RPS6KC1: variants seen among roughly 807,000 people sequenced by gnomAD.
RPS6KC1 encodes the protein inactive ribosomal protein S6 kinase delta-1.
RPS6KC1 carries 54 observed loss-of-function variants against 103.8 expected under a neutral mutation model. The ratio of observed to expected loss-of-function variants is 0.52; its 90% CI spans 0.42 to 0.65. The LOEUF (loss-of-function observed/expected upper bound fraction) is 0.65, where lower values mean the gene tolerates loss of function less well. Among genes scored for constraint, RPS6KC1 ranks in the 30% least tolerant of loss-of-function variants. RPS6KC1 has a pLI of 0.00. For synonymous variants in RPS6KC1, 439 were observed against 438.7 expected, an observed-to-expected ratio of 1.00 and a Z score of -0.01; for missense variants, 1,151 against 1,253.8, an observed-to-expected ratio of 0.92 and a Z score of 1.24.
chr1:213,844,516 A>C, the RPS6KC1 span, among the ~76,000 whole-genome samples: 2 of 152,340 alleles, frequency 1.3e-5, no homozygotes, highest in Non-Finnish European at 2.9e-5. Context: ...CCATTAAAAA[A>C]TTAGAATATG....
the RPS6KC1 span, among the ~76,000 whole-genome samples, chr1:213,496,084 G>A: frequency 6.6e-6 from 1 of 151,632 alleles, no homozygotes; most frequent in Non-Finnish European, 1.5e-5. Context: ...TTAGCACACT[G>A]TTGAAAAAAA....
chr1:213,069,026 C>CTT (rs1239587887), intron 1 of RPS6KC1, among the ~76,000 whole-genome samples: 2 of 151,790 alleles, frequency 1.3e-5, no homozygotes, highest in Admixed American at 6.6e-5. Context: ...CCATGGCACT[C>CTT]TAGCCTAGGT....
At chr1:213,118,536 C>T (rs1404766294) in intron 5 of RPS6KC1, among the ~76,000 whole-genome samples, 4 of 152,016 alleles carry the variant, frequency 2.6e-5, no homozygotes. Flanking sequence ...AGGGTATGTA[C>T]TCCTGTCATA....
intron 8 of RPS6KC1, among the ~76,000 whole-genome samples, chr1:213,213,512 A>G (rs146196743): frequency 2.0e-5 from 3 of 152,246 alleles, no homozygotes; most frequent in African/African-American, 4.8e-5. Flanking sequence ...TTTGTTCTTC[A>G]GTATTGTGTT....
chr1:213,330,189 T>C, the RPS6KC1 span, among the ~76,000 whole-genome samples: 1 of 152,228 alleles, frequency 6.6e-6, no homozygotes, highest in Non-Finnish European at 1.5e-5. Flanking sequence ...CCCATCCATC[T>C]GTGATACGGA....
the RPS6KC1 span, among the ~76,000 whole-genome samples, chr1:213,514,433 A>G: frequency 2.3e-5 from 3 of 127,912 alleles, no homozygotes; most frequent in South Asian, 2.4e-4. Context: ...TCCTCTGTCC[A>G]TGTGTTCTCA....
the RPS6KC1 span, among the ~76,000 whole-genome samples, chr1:213,527,216 A>C: frequency 6.6e-6 from 1 of 152,242 alleles, no homozygotes; most frequent in Non-Finnish European, 1.5e-5. Context: ...CACAATGCAG[A>C]GGAGGAGACT....
rs74982146 is a variant in RPS6KC1 at position 213,086,781 on chromosome 1, A to G, written c.262+8965A>G. On this transcript the variant is annotated intron_variant, in intron 3 of 14. Transcript: ENST00000366960. ...TTATCTATATGCATAGGTATAATGC[A>G]CACATTTATACATACCTCTAATCAT... Among the ~76,000 whole-genome samples the G allele has an allele frequency of 9.4e-3, 1,435 of 152,328 alleles. 50 individuals are homozygous for G. The highest frequency in any genetic ancestry group is 0.072 in the East Asian group (372 of 5,188).
the RPS6KC1 span, among the ~76,000 whole-genome samples, chr1:213,456,230 C>G: frequency 1.3e-5 from 2 of 152,178 alleles, no homozygotes; most frequent in Non-Finnish European, 2.9e-5. Flanking sequence ...CTCCTTTGGT[C>G]TGGAGGCCTG....
intron 4 of RPS6KC1, among the ~76,000 whole-genome samples, chr1:213,114,551 C>G (rs1035665366): frequency 6.6e-6 from 1 of 151,834 alleles, no homozygotes. Flanking sequence ...CCTTTATTTC[C>G]TTCTTCTGCC....
chr1:213,691,522 T>A, the RPS6KC1 span, among the ~76,000 whole-genome samples: 6 of 152,204 alleles, frequency 3.9e-5, no homozygotes, highest in African/African-American at 1.4e-4. Context: ...AAACTTCTGC[T>A]GCTATCTCGG....
the RPS6KC1 span, among the ~76,000 whole-genome samples, chr1:213,766,991 C>T: frequency 6.6e-6 from 1 of 152,126 alleles, no homozygotes; most frequent in Non-Finnish European, 1.5e-5. Context: ...CATAGCTCCT[C>T]AGCTATCCAG....
chr1:213,074,187 G>T (rs1475465229), intron 2 of RPS6KC1, among the ~76,000 whole-genome samples: 1 of 152,134 alleles, frequency 6.6e-6, no homozygotes, highest in East Asian at 1.9e-4. Flanking sequence ...AAAGTTTTTG[G>T]TGTTATTAAG....
chr1:213,516,005 T>G, the RPS6KC1 span, among the ~76,000 whole-genome samples: 123 of 152,068 alleles, frequency 8.1e-4, no homozygotes, highest in Non-Finnish European at 1.5e-3. Context: ...GTGAATGGGA[T>G]TTCACTCATG....
chr1:213,118,103 A>G (rs1392271506), intron 5 of RPS6KC1, among the ~76,000 whole-genome samples: 2 of 150,368 alleles, frequency 1.3e-5, no homozygotes, highest in Admixed American at 6.7e-5. Flanking sequence ...GGCTTTAGAG[A>G]TTTAGTCATT....
chr1:213,102,573 C>T (rs186253436), intron 3 of RPS6KC1, among the ~76,000 whole-genome samples: 1 of 152,126 alleles, frequency 6.6e-6, no homozygotes, highest in African/African-American at 2.4e-5. Context: ...AGCAAGCTGG[C>T]AATTACAATT....
intron 2 of RPS6KC1, among the ~76,000 whole-genome samples, chr1:213,076,865 G>C (rs1222608193): frequency 1.3e-5 from 2 of 151,118 alleles, no homozygotes; most frequent in African/African-American, 4.9e-5. Context: ...GTGTTACTCA[G>C]TTTATCCTTT....
At chr1:213,783,227 C>T in the RPS6KC1 span, among the ~76,000 whole-genome samples, 1 of 152,198 alleles carries the variant, frequency 6.6e-6, no homozygotes, top group South Asian at 2.1e-4. Flanking sequence ...TTGCCAAAGG[C>T]CCTTTTCGAT....
At chr1:213,591,021 C>A in the RPS6KC1 span, among the ~76,000 whole-genome samples, 3 of 152,176 alleles carry the variant, frequency 2.0e-5, no homozygotes, top group Non-Finnish European at 1.5e-5. Context: ...CCCTGCATCC[C>A]TTCCCCATGA....
Sources: gnomAD v4.1 joint callset for allele counts (sites outside exome capture counted in the v4.1 genomes callset) on GRCh38, gnomAD v4.1.1 for gene constraint, MANE v1.5 for transcripts, NCBI Gene and HGNC (gene_info 2026-07-23, HGNC 2026-07-21) for gene names.